TAF2: variants seen among roughly 807,000 people sequenced by gnomAD.
The protein encoded by TAF2 is TATA-box binding protein associated factor 2.
In TAF2, 61 loss-of-function variants were observed where a neutral mutation model predicts 138.5. That is an observed-to-expected ratio of 0.44 (90% confidence interval 0.36 to 0.54). The LOEUF (loss-of-function observed/expected upper bound fraction) is 0.54, where lower values mean the gene tolerates loss of function less well. Ranked by LOEUF, TAF2 falls within the 20% of genes least tolerant of loss-of-function variation. The probability of loss-of-function intolerance (pLI) is 0.00; values close to 1 mark genes in which losing one functional copy is unlikely to be tolerated. For synonymous variants in TAF2, 475 were observed against 469.9 expected, an observed-to-expected ratio of 1.01 and a Z score of -0.14; for missense variants, 1,090 against 1,427.9, an observed-to-expected ratio of 0.76 and a Z score of 3.81.
chr8:119,760,483 G>T (rs1213806607), intron 20 of TAF2, 116 bp downstream of exon 20: 3 of 1,163,972 alleles, frequency 2.6e-6, no homozygotes, highest in African/African-American at 1.6e-5. Flanking sequence ...ACTAAGTCAA[G>T]AATTTAAAAT....
chr8:119,744,314 T>A lies in TAF2; in HGVS notation c.3188A>T (p.Asn1063Ile). ...TGGAGTTGACGGCCTTTCAAGCATG[T>A]TTAAATGATGGGAAATGAAGGCCTG... ...DSQAFISHHL[N>I]MLERPSTPGL... Residue 1063 changes from asparagine to isoleucine, a missense_variant, in exon 24 of 26, where the codon AAC becomes ATC. Asn to Ile is a moderately radical substitution (Grantham distance 149). This residue lies in a region of TAF2 where 580 missense variants were observed against 719.6 expected (regional missense o/e 0.81). Coordinates refer to ENST00000378164, the MANE Select transcript of TAF2 (RefSeq NM_003184.4). 1 of 1,613,860 alleles carries A rather than the reference T, an allele frequency of 6.2e-7. No homozygotes were observed.
intron 2 of TAF2, among the ~76,000 whole-genome samples, chr8:119,825,626 G>A (rs1027918332): frequency 5.9e-4 from 90 of 152,246 alleles, no homozygotes; most frequent in African/African-American, 2.0e-3. Flanking sequence ...GAATCATGGG[G>A]GCAAGTCTTT....
At chr8:119,819,242 AT>A in intron 3 of TAF2, 103 bp downstream of exon 3, 1 of 1,220,238 alleles carries the variant, frequency 8.2e-7, no homozygotes, top group East Asian at 2.3e-5. Context: ...TTCAAAGCCC[AT>A]TAACGATCCA....
chr8:119,731,203 CTT>C lies in TAF2; in HGVS notation c.*719_*720del, dbSNP rs757120878. ...CTTACTGGAAAACAAAACAAAAAAA[CTT>C]ATAATTTAAACATCTTGATTTGAAA... On this transcript the variant is annotated 3_prime_UTR_variant, in exon 26 of 26. Transcript: ENST00000378164. 8 of 152,194 alleles carry C rather than the reference CTT, an allele frequency of 5.3e-5. No individual in the cohort carries two copies. Among genetic ancestry groups the C allele is most frequent in the Admixed American group, 1.3e-4 (2 of 15,278 alleles). The allele number at this position is 152,194 out of a possible 1,614,324, so 9.4% of individuals were successfully genotyped here.
At chr8:119,810,924 A>T (rs1487328883) in intron 3 of TAF2, among the ~76,000 whole-genome samples, 1 of 152,222 alleles carries the variant, frequency 6.6e-6, no homozygotes, top group South Asian at 2.1e-4. Flanking sequence ...GTGAGTCATT[A>T]TAAATGCAAT....
intron 17 of TAF2, 135 bp from the exon 18 acceptor site, chr8:119,778,264 C>G: frequency 1.7e-6 from 1 of 583,062 alleles, no homozygotes; most frequent in Admixed American, 3.1e-5. Flanking sequence ...ACCTCCACAC[C>G]CCAACCCCTC....
intron 3 of TAF2, among the ~76,000 whole-genome samples, chr8:119,808,920 T>C (rs894987155): frequency 1.3e-5 from 2 of 152,192 alleles, no homozygotes; most frequent in Non-Finnish European, 1.5e-5. Flanking sequence ...GAAGAATAGA[T>C]TTAGCATAAT....
At chr8:119,797,561 A>G in intron 7 of TAF2, 101 bp downstream of exon 7, 2 of 1,270,398 alleles carry the variant, frequency 1.6e-6, no homozygotes, top group East Asian at 2.5e-5. Context: ...CAAATTGCGG[A>G]AAAAAGTTCA....
intron 22 of TAF2, 48 bp from the exon 23 acceptor site, chr8:119,746,982 T>C: frequency 6.3e-7 from 1 of 1,583,170 alleles, no homozygotes; most frequent in Non-Finnish European, 8.7e-7. Context: ...CATTGATTCA[T>C]ACATTTTAAC....
In TAF2 at chr8:119,824,794, A is replaced by T. The variant is rs4871649; in HGVS notation, c.139-5288T>A. On this transcript the variant is annotated intron_variant, in intron 2 of 25. Transcript: ENST00000378164. ...CAGCTCCCATGTGGTGGTGAGCCTG[A>T]GAGTGCAGAGAAGTCAAGAATTGAG... Among the ~76,000 whole-genome samples the T allele has an allele frequency of 1.0e-3, 155 of 152,212 alleles. 2 individuals are homozygous for T. The highest frequency in any genetic ancestry group is 1.9e-3 in the Non-Finnish European group (131 of 68,004).
chr8:119,807,759 T>A (rs1024222934), intron 3 of TAF2, among the ~76,000 whole-genome samples: 3 of 152,012 alleles, frequency 2.0e-5, no homozygotes, highest in Admixed American at 1.3e-4. Flanking sequence ...CCCTCTCTAC[T>A]AAAAACACAA....
intron 18 of TAF2, among the ~76,000 whole-genome samples, chr8:119,773,402 T>C (rs1346501608): frequency 6.6e-6 from 1 of 151,594 alleles, no homozygotes; most frequent in Non-Finnish European, 1.5e-5. Flanking sequence ...AGGCTACAAT[T>C]ATTTTCCCAA....
At chr8:119,732,532 G>A (rs949416826) in intron 25 of TAF2, among the ~76,000 whole-genome samples, 3 of 152,112 alleles carry the variant, frequency 2.0e-5, no homozygotes, top group Non-Finnish European at 4.4e-5. Context: ...GTCCGGGGGC[G>A]GTGGCTCACT....
In TAF2 at chr8:119,746,847, A is replaced by C. The variant is rs751037632; in HGVS notation, c.2966T>G (p.Leu989Trp). 33 of 1,614,044 alleles carry C rather than the reference A, an allele frequency of 2.0e-5. No homozygotes were observed. Among genetic ancestry groups the C allele is most frequent in the Non-Finnish European group, 2.8e-5 (33 of 1,180,034 alleles). Residue 989 changes from leucine to tryptophan, a missense_variant, in exon 23 of 26, where the codon TTG becomes TGG. By Grantham distance (61) the Leu-to-Trp change is moderately conservative. This residue lies in a region of TAF2 where 580 missense variants were observed against 719.6 expected (regional missense o/e 0.81). Transcript: ENST00000378164. The stretch of plus-strand genomic sequence containing the variant: ...ATTAAGAACCAACCCAAGCTCTGGC[A>C]AGGGTAAACAGGAAGGTCTACTGAG... ...FGLSRPSCLP[L>W]PELGLVLNLK... is the part of the protein sequence containing the mutation.
chr8:119,775,546 TACA>T (rs771885174), intron 18 of TAF2, among the ~76,000 whole-genome samples: 12 of 151,478 alleles, frequency 7.9e-5, no homozygotes, highest in African/African-American at 2.4e-4. Flanking sequence ...CTACTAAAAG[TACA>T]ACAATTAGCT....
intron 18 of TAF2, among the ~76,000 whole-genome samples, chr8:119,768,174 T>TGAC (rs1247257178): frequency 2.6e-5 from 4 of 152,160 alleles, no homozygotes; most frequent in Non-Finnish European, 4.4e-5. Flanking sequence ...GAGCCCATGC[T>TGAC]GACAGGTCTG....
rs745511347 is a variant in TAF2, at chr8:119,788,866, G to A, written c.1607C>T (p.Ala536Val). 12 of 1,613,618 alleles carry A rather than the reference G, an allele frequency of 7.4e-6. No homozygotes were observed. Among genetic ancestry groups the A allele is most frequent in the Middle Eastern group, 1.7e-4 (1 of 6,054 alleles). Residue 536 changes from alanine to valine, a missense_variant, in exon 13 of 26, where the codon GCA becomes GTA. Physicochemically the swap from Ala to Val is moderately conservative, Grantham distance 64. Transcript: ENST00000378164. ...SGVVKFYGSF[A>V]FNRKRNVLEL... ...CAAGACATTTCGTTTTCTATTAAAT[G>A]CAAAACTTCCATAAAATTTTACCAC...
chr8:119,745,795 ATGTGTGTGTGTGTG>A (rs58444614), intron 23 of TAF2, among the ~76,000 whole-genome samples: 68 of 143,564 alleles, frequency 4.7e-4, no homozygotes, highest in African/African-American at 9.1e-4. Context: ...AGGCAAACGA[ATGTGTGTGTGTGTG>A]TGTGTGTGTG....
intron 23 of TAF2, among the ~76,000 whole-genome samples, chr8:119,746,394 A>G (rs1819973471): frequency 6.6e-6 from 1 of 151,494 alleles, no homozygotes; most frequent in South Asian, 2.1e-4. Context: ...AAAAAAAAAA[A>G]AAAGGTTATT....
Sources: allele counts gnomAD v4.1 joint callset (sites outside exome capture counted in the v4.1 genomes callset), GRCh38; gene constraint gnomAD v4.1.1; regional missense constraint gnomAD v4.1.1; transcripts MANE v1.5; gene names NCBI Gene and HGNC (gene_info 2026-07-23, HGNC 2026-07-21).